The following UHRF1 variants were observed in gnomAD, a reference collection of about 807,000 sequenced individuals.
UHRF1 encodes the protein E3 ubiquitin-protein ligase UHRF1.
In UHRF1, 9 loss-of-function variants were observed where a neutral mutation model predicts 96.5. The ratio of observed to expected loss-of-function variants is 0.09; its 90% CI spans 0.06 to 0.16. The LOEUF is 0.16. UHRF1 is among the 10% of genes least tolerant of loss of function. The probability of loss-of-function intolerance (pLI) is 1.00; values close to 1 mark genes in which losing one functional copy is unlikely to be tolerated. For missense variants in UHRF1, 626 were observed against 1,131.1 expected, an observed-to-expected ratio of 0.55 and a Z score of 6.40; for synonymous variants, 455 against 469.9, an observed-to-expected ratio of 0.97 and a Z score of 0.41.
At chr19:4,911,449 C>T (rs575219789) in intron 2 of UHRF1, among the ~76,000 whole-genome samples, 3 of 152,238 alleles carry the variant, frequency 2.0e-5, no homozygotes, top group East Asian at 3.9e-4. Context: ...CCACCAATTG[C>T]TCTCAGCCTG....
chr19:4,930,831 G>C lies in UHRF1; in HGVS notation c.524G>C (p.Arg175Thr). 2 of 1,613,998 alleles carry C rather than the reference G, an allele frequency of 1.2e-6. No individual in the cohort carries two copies. The highest frequency in any genetic ancestry group is 1.7e-6 in the Non-Finnish European group (2 of 1,179,900). ...GACGAGCCCTGCAGCTCCACGTCCA[G>C]GCCGGCGCTGGAGGAGGACGTCATT... ...SRDEPCSSTS[R>T]PALEEDVIYH... Residue 175 changes from arginine to threonine, a missense_variant, in exon 4 of 17, where the codon AGG becomes ACG. Transcript: ENST00000650932. This position sits in a 1 kb window ranked among gnomAD's most constrained non-coding sequence, Gnocchi z 4.4.
chr19:4,927,579 C>T (rs552343240), intron 2 of UHRF1, among the ~76,000 whole-genome samples: 3 of 152,136 alleles, frequency 2.0e-5, no homozygotes, highest in South Asian at 4.1e-4. Flanking sequence ...AGCTGACATT[C>T]TATGTATGTC....
At chr19:4,920,644 C>A (rs1161480599) in intron 2 of UHRF1, among the ~76,000 whole-genome samples, 1 of 152,164 alleles carries the variant, frequency 6.6e-6, no homozygotes, top group Admixed American at 6.5e-5. Context: ...ACCCCAAACT[C>A]CTGGGCTCCC....
intron 4 of UHRF1, among the ~76,000 whole-genome samples, chr19:4,931,277 T>A (rs1360846593): frequency 1.3e-5 from 2 of 152,276 alleles, no homozygotes; most frequent in East Asian, 3.9e-4. Context: ...AGATGGTGGC[T>A]GCGTCTGTCC....
chr19:4,912,311 C>T lies in UHRF1; in HGVS notation c.153+1273C>T, dbSNP rs1391191781. 2.0e-5 allele frequency among the ~76,000 whole-genome samples: 3 copies of T among 152,144 alleles called. No homozygotes were observed. The East Asian group carries it at 5.8e-4, about 29-fold the overall frequency. On this transcript the variant is annotated intron_variant, in intron 2 of 16. Coordinates refer to ENST00000650932, the MANE Select transcript of UHRF1 (RefSeq NM_001048201.3). ...TGATGCGTGCTCCCTTTGTGGCATCCAAACTGATTTTGATTTGCCACTCAG... is the reference window on the plus strand; with the variant it reads ...TGATGCGTGCTCCCTTTGTGGCATCTAAACTGATTTTGATTTGCCACTCAG...
At chr19:4,931,054 C>T (rs910948971) in intron 4 of UHRF1, among the ~76,000 whole-genome samples, 178 bp downstream of exon 4, 3 of 152,140 alleles carry the variant, frequency 2.0e-5, no homozygotes, top group African/African-American at 4.8e-5. Context: ...CCTGGGGACC[C>T]GAAGCCGGCT....
Position 4,929,476 on chromosome 19 carries a change from G to GGT in UHRF1, c.408+2_408+3dup. Reference sequence around the variant, plus strand: ...ATGAGACGGAATTGGGGCTGTACAAGGTGAGCCTCCCCTCCGCAGCTGCTC... The same window carrying GGT: ...ATGAGACGGAATTGGGGCTGTACAAGGTGTGAGCCTCCCCTCCGCAGCTGCTC... On this transcript the variant is annotated frameshift_variant and splice_region_variant. Coordinates refer to ENST00000650932, the MANE Select transcript of UHRF1 (RefSeq NM_001048201.3). LOFTEE classifies it high-confidence loss of function. The GGT allele has an allele frequency of 6.2e-7, 1 of 1,609,326 alleles. No homozygotes were observed. The highest frequency in any genetic ancestry group is 8.5e-7 in the Non-Finnish European group (1 of 1,176,494).
chr19:4,940,679 TA>T (rs1331678122), intron 5 of UHRF1, among the ~76,000 whole-genome samples: 1 of 151,610 alleles, frequency 6.6e-6, no homozygotes, highest in African/African-American at 2.4e-5. Flanking sequence ...TTTATTTATA[TA>T]TTTTTTTGAT....
At position 4,930,334 on chromosome 19, in the gene UHRF1, C is replaced by T. The variant is rs1055235923; in HGVS notation, c.409-382C>T. ...TGTTGCCCAGGCTAGTCTTGAATTC[C>T]GGGGCTCAAGCGATCCACCTGCCTC... is the stretch of plus-strand genomic sequence containing the variant. On this transcript the variant is annotated intron_variant, in intron 3 of 16. Transcript: ENST00000650932. This position sits in a 1 kb window ranked among gnomAD's most constrained non-coding sequence, Gnocchi z 4.4. Among the ~76,000 whole-genome samples, 6 of 152,288 alleles carry T rather than the reference C, an allele frequency of 3.9e-5. No individual in the cohort carries two copies. The highest frequency in any genetic ancestry group is 3.4e-3 in the Middle Eastern group (1 of 294).
At chr19:4,943,255 G>C (rs745483945) in intron 7 of UHRF1, among the ~76,000 whole-genome samples, 21 of 151,832 alleles carry the variant, frequency 1.4e-4, no homozygotes, top group Non-Finnish European at 1.9e-4. Context: ...AAAAAAAAAG[G>C]GGGGGTGGTG....
In UHRF1 at chr19:4,942,569, C is replaced by G. The variant is rs556009481; in HGVS notation, c.1073+638C>G. ...GTTCAAGCAATTCTCGTGCCTCAGC[C>G]TCCCGAGTAGCTGGGATTACAGGTG... On this transcript the variant is annotated intron_variant, in intron 7 of 16. Transcript: ENST00000650932. 8.6e-4 allele frequency among the ~76,000 whole-genome samples: 131 copies of G among 152,254 alleles called. 1 individual carries two copies. The highest frequency in any genetic ancestry group is 3.1e-3 in the African/African-American group (129 of 41,554).
intron 4 of UHRF1, among the ~76,000 whole-genome samples, chr19:4,932,008 C>T (rs569513076): frequency 3.3e-5 from 5 of 152,190 alleles, no homozygotes; most frequent in South Asian, 2.1e-4. Context: ...CTCGGCTCAC[C>T]GCAACCTCTG....
In UHRF1 at chr19:4,954,262, C is replaced by G; in HGVS notation, c.1819-88C>G. On this transcript the variant is annotated intron_variant, in intron 13 of 16. Transcript: ENST00000650932. This position sits in a 1 kb window ranked among gnomAD's most constrained non-coding sequence, Gnocchi z 5.9. Reference sequence around the variant, plus strand: ...TGGGGGTCAGGTGTGTCTGGAAACCCAGACCTGGCAAGGAGGCTGGAAGAG... The same window carrying G: ...TGGGGGTCAGGTGTGTCTGGAAACCGAGACCTGGCAAGGAGGCTGGAAGAG... 1.3e-6 allele frequency: 2 copies of G among 1,544,512 alleles called. No individual in the cohort carries two copies. The highest frequency in any genetic ancestry group is 4.0e-5 in the Admixed American group (2 of 50,096).
intron 4 of UHRF1, among the ~76,000 whole-genome samples, chr19:4,932,032 A>G (rs1375796755): frequency 6.6e-6 from 1 of 152,032 alleles, no homozygotes; most frequent in Non-Finnish European, 1.5e-5. Flanking sequence ...CCCGGGTTCA[A>G]GCAATTCTGC....
intron 16 of UHRF1, among the ~76,000 whole-genome samples, chr19:4,958,119 C>A (rs897634424): frequency 1.5e-4 from 23 of 152,240 alleles, no homozygotes; most frequent in Admixed American, 1.5e-3. Flanking sequence ...CCCATGGCAT[C>A]TCTGCCTCCT....
Position 4,929,112 on chromosome 19 carries a change from G to GCCCC in UHRF1, c.154-103_154-100dup, listed in dbSNP as rs5826865. 23 of 1,298,318 alleles carry GCCCC rather than the reference G, an allele frequency of 1.8e-5. No homozygotes were observed. The African/African-American group carries it at 3.3e-4, about 18-fold the overall frequency. The allele number at this position is 1,298,318 out of a possible 1,614,324, so 80.4% of individuals were successfully genotyped here. A position where few individuals can be genotyped will look rare whatever the true frequency, so the allele number is the denominator to read the frequency against. ...ATGGCTCTTTACTCTGATGCAGATT[G>GCCCC]CCCCCCCCCCACAAGGGCTGGGACA... On this transcript the variant is annotated intron_variant, in intron 2 of 16. Coordinates refer to ENST00000650932, the MANE Select transcript of UHRF1 (RefSeq NM_001048201.3).
intron 13 of UHRF1, among the ~76,000 whole-genome samples, chr19:4,953,564 A>G (rs1599299281): frequency 1.3e-5 from 2 of 152,172 alleles, no homozygotes; most frequent in African/African-American, 2.4e-5. Flanking sequence ...CCTGGGCTCA[A>G]GTGATTCTCC....
At chr19:4,923,282 TCCTCCTGCCG>T (rs2032761658) in intron 2 of UHRF1, among the ~76,000 whole-genome samples, 1 of 152,088 alleles carries the variant, frequency 6.6e-6, no homozygotes, top group East Asian at 1.9e-4. Flanking sequence ...CTCCGTCTGC[TCCTCCTGCCG>T]CCTCCTGCTG....
intron 2 of UHRF1, among the ~76,000 whole-genome samples, chr19:4,926,914 T>C (rs1568414119): frequency 2.0e-5 from 3 of 151,912 alleles, no homozygotes; most frequent in Non-Finnish European, 4.4e-5. Context: ...AATACAAAAA[T>C]TAGCCGGGCT....
Sources: gnomAD v4.1 joint callset for allele counts (sites outside exome capture counted in the v4.1 genomes callset) on GRCh38, gnomAD v4.1.1 for gene constraint, Gnocchi (gnomAD v3.1) non-coding constraint, MANE v1.5 for transcripts, NCBI Gene and HGNC (gene_info 2026-07-23, HGNC 2026-07-21) for gene names.